TBL1XR1: variants seen among roughly 807,000 people sequenced by gnomAD.
The protein encoded by TBL1XR1 is TBL1X/Y related 1, also known as F-box-like/WD repeat-containing protein TBL1XR1.
TBL1XR1 carries 5 observed loss-of-function variants against 66.9 expected under a neutral mutation model. The ratio of observed to expected loss-of-function variants is 0.07; its 90% CI spans 0.04 to 0.16. TBL1XR1 has a LOEUF of 0.16. TBL1XR1 is among the 10% of genes least tolerant of loss of function. TBL1XR1 has a pLI of 1.00. For missense variants in TBL1XR1, 238 were observed against 623.2 expected, an observed-to-expected ratio of 0.38 and a Z score of 6.58; for synonymous variants, 210 against 206.0, an observed-to-expected ratio of 1.02 and a Z score of -0.17.
At chr3:177,190,919 G>GTGATCTTCA (rs1736062512) in intron 1 of TBL1XR1, among the ~76,000 whole-genome samples, 2 of 152,142 alleles carry the variant, frequency 1.3e-5, no homozygotes, top group African/African-American at 4.8e-5. Context: ...ACAATAAACA[G>GTGATCTTCA]TTATGGGATT....
chr3:177,188,193 G>A (rs1315418014), intron 1 of TBL1XR1, among the ~76,000 whole-genome samples: 1 of 151,826 alleles, frequency 6.6e-6, no homozygotes, highest in African/African-American at 2.4e-5. Flanking sequence ...GCCTCCCAAA[G>A]TGCTGGGATT....
Position 177,024,296 on chromosome 3 carries a change from T to C in TBL1XR1, c.*1202A>G, listed in dbSNP as rs562907033. 6.5e-6 allele frequency: 1 copy of C among 152,706 alleles called. No individual in the cohort carries two copies. The highest frequency in any genetic ancestry group is 1.5e-5 in the Non-Finnish European group (1 of 67,990). 9.5% of individuals were successfully genotyped at this position (152,706 alleles called of 1,614,324 possible). A position where few individuals can be genotyped will look rare whatever the true frequency, so the allele number is the denominator to read the frequency against. Reference sequence around the variant, plus strand: ...TTTGAGATTGTTTTTTAAACTAAGGTAGCAAACATTTTGCCATGTAATGGC... The same window carrying C: ...TTTGAGATTGTTTTTTAAACTAAGGCAGCAAACATTTTGCCATGTAATGGC... On this transcript the variant is annotated 3_prime_UTR_variant, in exon 16 of 16. Coordinates refer to ENST00000457928, the MANE Select transcript of TBL1XR1 (RefSeq NM_024665.7).
intron 2 of TBL1XR1, among the ~76,000 whole-genome samples, chr3:177,092,623 C>A (rs889671687): frequency 5.3e-5 from 8 of 151,900 alleles, no homozygotes; most frequent in Admixed American, 5.2e-4. Context: ...AGCAAACAAA[C>A]AGCAAATGTT....
chr3:177,192,869 G>A (rs1188188494), intron 1 of TBL1XR1, among the ~76,000 whole-genome samples: 1 of 152,044 alleles, frequency 6.6e-6, no homozygotes, highest in Non-Finnish European at 1.5e-5. Flanking sequence ...AACACATTAG[G>A]GCCAGGCGCA....
chr3:177,186,752 T>TA (rs534331660), intron 1 of TBL1XR1, among the ~76,000 whole-genome samples: 4 of 152,028 alleles, frequency 2.6e-5, no homozygotes, highest in Admixed American at 6.6e-5. Context: ...TTAAATACTC[T>TA]AAAAAAAATT....
At chr3:177,083,426 T>C (rs971812703) in intron 2 of TBL1XR1, among the ~76,000 whole-genome samples, 17 of 152,230 alleles carry the variant, frequency 1.1e-4, no homozygotes, top group Admixed American at 9.8e-4. Flanking sequence ...TTCTGCATCA[T>C]AAGCAGGTCA....
At chr3:177,134,623 G>GA (rs1429438802) in intron 1 of TBL1XR1, among the ~76,000 whole-genome samples, 3 of 152,082 alleles carry the variant, frequency 2.0e-5, no homozygotes, top group African/African-American at 7.2e-5. Flanking sequence ...TTTCCTTAAA[G>GA]AAATACCCCA....
intron 1 of TBL1XR1, among the ~76,000 whole-genome samples, chr3:177,175,218 C>G (rs1216061912): frequency 1.3e-5 from 2 of 152,018 alleles, no homozygotes; most frequent in Non-Finnish European, 2.9e-5. Flanking sequence ...AGTTTTAGTA[C>G]ACAATTTCCA....
At chr3:177,090,983 T>G (rs1286752538) in intron 2 of TBL1XR1, among the ~76,000 whole-genome samples, 1 of 150,730 alleles carries the variant, frequency 6.6e-6, no homozygotes, top group East Asian at 1.9e-4. Flanking sequence ...AGTGACACCC[T>G]GCTGAAAAGA....
At position 177,049,984 on chromosome 3, in the gene TBL1XR1, T is replaced by A. The variant is rs751169814; in HGVS notation, c.702+13A>T. ...CTAGTAATTATATCCATCATGGATA[T>A]AGTGATACTCACATTCCAATCTAGA... is the stretch of plus-strand genomic sequence containing the variant. On this transcript the variant is annotated intron_variant, in intron 7 of 15. Coordinates refer to ENST00000457928, the MANE Select transcript of TBL1XR1 (RefSeq NM_024665.7). 2 of 1,612,686 alleles carry A rather than the reference T, an allele frequency of 1.2e-6. No individual in the cohort carries two copies. Among genetic ancestry groups the A allele is most frequent in the Non-Finnish European group, 1.7e-6 (2 of 1,179,428 alleles).
intron 1 of TBL1XR1, among the ~76,000 whole-genome samples, chr3:177,175,874 C>T (rs569532040): frequency 1.5e-4 from 23 of 151,790 alleles, no homozygotes; most frequent in African/African-American, 4.8e-4. Context: ...CTGACTAACA[C>T]GGTGAAACCC....
chr3:177,127,020 T>C (rs777886493), intron 1 of TBL1XR1, among the ~76,000 whole-genome samples: 18 of 152,236 alleles, frequency 1.2e-4, no homozygotes, highest in Non-Finnish European at 2.2e-4. Context: ...TACAGTTCTC[T>C]TCTCATAAAA....
At chr3:177,066,891 A>G (rs1719236109) in intron 2 of TBL1XR1, among the ~76,000 whole-genome samples, 1 of 152,236 alleles carries the variant, frequency 6.6e-6, no homozygotes, top group Admixed American at 6.5e-5. Flanking sequence ...ATCTTCATCT[A>G]AAGAAAAGGT....
intron 1 of TBL1XR1, among the ~76,000 whole-genome samples, chr3:177,123,805 C>CT (rs1560201639): frequency 8.6e-5 from 13 of 151,664 alleles, no homozygotes; most frequent in Non-Finnish European, 1.8e-4. Context: ...GAACAATCTA[C>CT]TCAAGTGGAT....
chr3:177,047,404 T>C lies in TBL1XR1; in HGVS notation c.767-7A>G, dbSNP rs1032321341. 5.4e-5 allele frequency: 86 copies of C among 1,590,090 alleles called. No individual in the cohort carries two copies. Among genetic ancestry groups the C allele is most frequent in the Non-Finnish European group, 6.7e-5 (78 of 1,167,326 alleles). ...AAGGTGCTAGCAAGGTTACCTAAAATGCAAAAGAAAAACATTAACATTATT... is the reference window on the plus strand; with the variant it reads ...AAGGTGCTAGCAAGGTTACCTAAAACGCAAAAGAAAAACATTAACATTATT... On this transcript the variant is annotated splice_region_variant and splice_polypyrimidine_tract_variant and intron_variant, in intron 8 of 15. Transcript: ENST00000457928.
chr3:177,191,646 T>G (rs1736155207), intron 1 of TBL1XR1, among the ~76,000 whole-genome samples: 1 of 152,272 alleles, frequency 6.6e-6, no homozygotes, highest in East Asian at 1.9e-4. Flanking sequence ...ACTGAACTTC[T>G]AAGGACAACT....
chr3:177,183,870 G>A (rs1387054351), intron 1 of TBL1XR1, among the ~76,000 whole-genome samples: 1 of 152,062 alleles, frequency 6.6e-6, no homozygotes, highest in Non-Finnish European at 1.5e-5. Context: ...GGGAGGCCAA[G>A]GCAAGGTGGA....
intron 1 of TBL1XR1, among the ~76,000 whole-genome samples, chr3:177,102,566 T>C (rs1029005350): frequency 2.0e-5 from 3 of 152,214 alleles, no homozygotes; most frequent in Admixed American, 2.0e-4. Flanking sequence ...AGTCTGACAA[T>C]GTATATTGAA....
chr3:177,179,010 G>A (rs147729214), intron 1 of TBL1XR1, among the ~76,000 whole-genome samples: 3,399 of 151,620 alleles, frequency 0.022, 138 homozygotes, highest in African/African-American at 0.079. Flanking sequence ...CCACCTACTC[G>A]GGAGGCGGAG....
Sources: allele counts gnomAD v4.1 joint callset (sites outside exome capture counted in the v4.1 genomes callset), GRCh38; gene constraint gnomAD v4.1.1; transcripts MANE v1.5; gene names NCBI Gene and HGNC (gene_info 2026-07-23, HGNC 2026-07-21).